ERG: variants seen among roughly 807,000 people sequenced by gnomAD.
ERG encodes transcriptional regulator ERG.
A neutral mutation model predicts 55.3 loss-of-function variants in ERG; 9 were observed. The observed-to-expected ratio is 0.16, with a 90% CI of 0.10 to 0.28. The LOEUF is 0.28. ERG is among the 10% of genes least tolerant of loss of function. The probability of loss-of-function intolerance (pLI) is 1.00; values close to 1 mark genes in which losing one functional copy is unlikely to be tolerated. For synonymous variants in ERG, 223 were observed against 237.3 expected, an observed-to-expected ratio of 0.94 and a Z score of 0.55; for missense variants, 434 against 631.6, an observed-to-expected ratio of 0.69 and a Z score of 3.35.
At chr21:38,555,393 TA>T (rs1190527641) in intron 2 of ERG, among the ~76,000 whole-genome samples, 1 of 151,798 alleles carries the variant, frequency 6.6e-6, no homozygotes, top group African/African-American at 2.4e-5. Flanking sequence ...TTTTTCTCAG[TA>T]AAAAAATAAT....
chr21:38,411,123 C>T (rs1569075816), intron 3 of ERG, among the ~76,000 whole-genome samples: 1 of 152,108 alleles, frequency 6.6e-6, no homozygotes, highest in Non-Finnish European at 1.5e-5. Flanking sequence ...ATAGAGAGAA[C>T]TGGCTTAAAT....
intron 1 of ERG, among the ~76,000 whole-genome samples, chr21:38,479,904 G>T (rs927043345): frequency 2.6e-5 from 4 of 152,118 alleles, no homozygotes; most frequent in African/African-American, 7.2e-5. Flanking sequence ...CTTTTTCCTT[G>T]TAAGTACAGA....
rs1197674220 is a variant in ERG, at chr21:38,391,690, C to T, written c.840G>A (p.Val280=). 3 of 1,613,874 alleles carry T rather than the reference C, an allele frequency of 1.9e-6. No individual in the cohort carries two copies. Among genetic ancestry groups the T allele is most frequent in the African/African-American group, 1.3e-5 (1 of 75,024 alleles). The part of the protein sequence containing the change: ...SKAAQPSPST[V]PKTEDQRPQL... Reference sequence around the variant, plus strand: ...GAGGACGCTGGTCTTCAGTTTTGGGCACTGTGGAAGGAGATGGTTGAGCAG... The same window carrying T: ...GAGGACGCTGGTCTTCAGTTTTGGGTACTGTGGAAGGAGATGGTTGAGCAG... The change falls in exon 8 of 10, where the codon GTG becomes GTA. Residue 280 remains valine (V), a synonymous_variant. Transcript: ENST00000288319.
At chr21:38,613,463 T>C (rs1055976601) in intron 1 of ERG, among the ~76,000 whole-genome samples, 1 of 152,242 alleles carries the variant, frequency 6.6e-6, no homozygotes, top group Admixed American at 6.5e-5. Flanking sequence ...CATGACGTTC[T>C]TTTCCTTTGT....
chr21:38,465,497 G>A (rs2059080498), intron 1 of ERG, among the ~76,000 whole-genome samples: 1 of 152,134 alleles, frequency 6.6e-6, no homozygotes, highest in Non-Finnish European at 1.5e-5. Context: ...ATATACATTT[G>A]TCCAAACCCA....
chr21:38,571,380 G>A (rs2059956732), intron 2 of ERG, among the ~76,000 whole-genome samples: 2 of 151,974 alleles, frequency 1.3e-5, no homozygotes, highest in South Asian at 2.1e-4. Context: ...GTGTAGCGGT[G>A]CACACCTGTA....
chr21:38,563,316 G>A (rs1017361601), intron 2 of ERG, among the ~76,000 whole-genome samples: 2 of 152,212 alleles, frequency 1.3e-5, no homozygotes, highest in Admixed American at 6.5e-5. Context: ...ATGATGTGTT[G>A]ATGTAGGTTC....
chr21:38,423,533 T>C lies in ERG; in HGVS notation c.265A>G (p.Lys89Glu). 1 of 1,614,064 alleles carries C rather than the reference T, an allele frequency of 6.2e-7. No homozygotes were observed. The highest frequency in any genetic ancestry group is 8.5e-7 in the Non-Finnish European group (1 of 1,179,932). ...GGGCTGCCCACCATCTTCCCGCCTT[T>C]GGCCACACTGCATTCATCAGGAGAG... ...RNSPDECSVA[K>E]GGKMVGSPDT... Residue 89 changes from lysine to glutamate, a missense_variant, in exon 3 of 10, where the codon AAA becomes GAA. Lys to Glu is a moderately conservative substitution (Grantham distance 56). This residue lies in a region of ERG where 212 missense variants were observed against 262.9 expected (regional missense o/e 0.81). Coordinates refer to ENST00000288319, the MANE Select transcript of ERG (RefSeq NM_182918.4).
chr21:38,368,413 T>C, the ERG span, among the ~76,000 whole-genome samples: 12 of 152,202 alleles, frequency 7.9e-5, no homozygotes, highest in Non-Finnish European at 1.5e-4. Context: ...CTGTATAAAC[T>C]CCATTATGTG....
At chr21:38,490,934 C>A (rs2146675291) in intron 1 of ERG, among the ~76,000 whole-genome samples, 1 of 152,258 alleles carries the variant, frequency 6.6e-6, no homozygotes, top group South Asian at 2.1e-4. Flanking sequence ...CCTCCCTGGG[C>A]CAAAGATAAA....
At chr21:38,556,206 G>A (rs1246541663) in intron 2 of ERG, among the ~76,000 whole-genome samples, 9 of 152,180 alleles carry the variant, frequency 5.9e-5, no homozygotes, top group African/African-American at 2.2e-4. Context: ...AAAAATAGCA[G>A]TTACTATGAC....
chr21:38,476,503 AC>A (rs2059189124), intron 1 of ERG, among the ~76,000 whole-genome samples: 1 of 152,130 alleles, frequency 6.6e-6, no homozygotes, highest in South Asian at 2.1e-4. Flanking sequence ...CCTCCTCTTA[AC>A]GGCTGATGAC....
intron 1 of ERG, among the ~76,000 whole-genome samples, chr21:38,482,972 C>T (rs1051270515): frequency 1.2e-4 from 19 of 152,170 alleles, no homozygotes; most frequent in African/African-American, 3.9e-4. Context: ...CCACCATGCC[C>T]GGCCCATTTA....
At chr21:38,658,017 G>A (rs548098739) in intron 1 of ERG, among the ~76,000 whole-genome samples, 47 of 152,318 alleles carry the variant, frequency 3.1e-4, no homozygotes, top group African/African-American at 1.1e-3. Context: ...TCTTACAAAT[G>A]TTGCTGCTAA....
intron 1 of ERG, among the ~76,000 whole-genome samples, chr21:38,655,360 C>T (rs532867503): frequency 2.0e-5 from 3 of 152,240 alleles, no homozygotes; most frequent in Non-Finnish European, 2.9e-5. Flanking sequence ...GGAGGTATCC[C>T]GTGTTTCTGA....
At chr21:38,448,823 C>A (rs1277217291) in intron 1 of ERG, among the ~76,000 whole-genome samples, 1 of 152,180 alleles carries the variant, frequency 6.6e-6, no homozygotes, top group Non-Finnish European at 1.5e-5. Context: ...AGCCCTGTGA[C>A]TTCAAAGGGG....
intron 1 of ERG, among the ~76,000 whole-genome samples, chr21:38,461,497 T>C (rs1284079543): frequency 1.3e-5 from 2 of 152,184 alleles, no homozygotes; most frequent in African/African-American, 2.4e-5. Flanking sequence ...GTCCCTCTTC[T>C]TCACTGCTGT....
At chr21:38,618,729 G>A (rs1459496638) in intron 1 of ERG, among the ~76,000 whole-genome samples, 1 of 152,144 alleles carries the variant, frequency 6.6e-6, no homozygotes, top group African/African-American at 2.4e-5. Context: ...ACCCTCTGTG[G>A]GGCAGGAGAC....
At chr21:38,660,945 G>T (rs2060551145) in intron 1 of ERG, among the ~76,000 whole-genome samples, 1 of 152,122 alleles carries the variant, frequency 6.6e-6, no homozygotes. Flanking sequence ...GGCAGGTTTG[G>T]ACACTACGCG....
Sources: allele counts gnomAD v4.1 joint callset (sites outside exome capture counted in the v4.1 genomes callset), GRCh38; gene constraint gnomAD v4.1.1; regional missense constraint gnomAD v4.1.1; transcripts MANE v1.5; gene names NCBI Gene and HGNC (gene_info 2026-07-23, HGNC 2026-07-21).